Variants in NOX4 observed in about 807,000 individuals in gnomAD.
The protein encoded by NOX4 is NADPH oxidase 4.
A neutral mutation model predicts 87.6 loss-of-function variants in NOX4; 69 were observed. The ratio of observed to expected loss-of-function variants is 0.79; its 90% CI spans 0.65 to 0.96. NOX4 has a LOEUF of 0.96. NOX4 is among the 40% of genes least tolerant of loss of function. The pLI is 0.00. For synonymous variants in NOX4, 275 were observed against 238.2 expected (o/e 1.15, Z -1.42); for missense variants, 680 against 681.5 (o/e 1.00, Z 0.02).
the NOX4 span, among the ~76,000 whole-genome samples, chr11:89,550,404 T>C: frequency 6.6e-6 from 1 of 152,152 alleles, no homozygotes; most frequent in Non-Finnish European, 1.5e-5. Context: ...CAGGTTGGTC[T>C]TGAACTCCTG....
chr11:89,362,708 A>G (rs1938625874), intron 12 of NOX4, among the ~76,000 whole-genome samples: 1 of 152,004 alleles, frequency 6.6e-6, no homozygotes, highest in Admixed American at 6.6e-5. Flanking sequence ...ACATATCTTC[A>G]AGAGTAGTTG....
At chr11:89,458,477 T>G (rs1363122644) in intron 2 of NOX4, among the ~76,000 whole-genome samples, 1 of 152,118 alleles carries the variant, frequency 6.6e-6, no homozygotes, top group Non-Finnish European at 1.5e-5. Flanking sequence ...CTAATTAAAC[T>G]AAGTAGCTTC....
At chr11:89,557,810 T>C in the NOX4 span, among the ~76,000 whole-genome samples, 1 of 152,070 alleles carries the variant, frequency 6.6e-6, no homozygotes, top group African/African-American at 2.4e-5. Flanking sequence ...GGTAAATGAC[T>C]CTCTGTTATC....
chr11:89,432,349 T>C (rs1943844948), intron 7 of NOX4, among the ~76,000 whole-genome samples: 1 of 151,456 alleles, frequency 6.6e-6, no homozygotes, highest in Non-Finnish European at 1.5e-5. Context: ...TAAAGTATAA[T>C]AATAAAAAAA....
the NOX4 span, among the ~76,000 whole-genome samples, chr11:89,534,741 A>G: frequency 6.6e-6 from 1 of 152,224 alleles, no homozygotes; most frequent in Non-Finnish European, 1.5e-5. Context: ...ACTGCCCTGG[A>G]GTCTTGCCTG....
In NOX4 at chr11:89,490,493, C is replaced by T; in HGVS notation, c.118G>A (p.Gly40Arg). Reference sequence around the variant, plus strand: ...TGGTGGAGGTAGTGATACTCTGGCCCTTGGTTATACAGCAAGAAGGTTTTC... The same window carrying T: ...TGGTGGAGGTAGTGATACTCTGGCCTTTGGTTATACAGCAAGAAGGTTTTC... ...FWKTFLLYNQ[G>R]PEYHYLHQML... The change falls in exon 2 of 18, where the codon GGG becomes AGG. Residue 40 changes from glycine to arginine, a missense_variant. Coordinates refer to ENST00000263317, the MANE Select transcript of NOX4 (RefSeq NM_016931.5). The T allele has an allele frequency of 6.2e-7, 1 of 1,613,890 alleles. No individual in the cohort carries two copies. Among genetic ancestry groups the T allele is most frequent in the Non-Finnish European group, 8.5e-7 (1 of 1,179,864 alleles).
At chr11:89,356,782 T>A (rs1443430143) in intron 12 of NOX4, among the ~76,000 whole-genome samples, 1 of 152,150 alleles carries the variant, frequency 6.6e-6, no homozygotes, top group African/African-American at 2.4e-5. Flanking sequence ...ATCTGATACA[T>A]AATTAAGGTG....
chr11:89,357,003 C>A (rs762746884), intron 12 of NOX4, among the ~76,000 whole-genome samples: 4 of 152,100 alleles, frequency 2.6e-5, no homozygotes, highest in African/African-American at 7.2e-5. Flanking sequence ...TGCAGTAAAT[C>A]CTTCACTAAC....
At chr11:89,570,181 G>A in the NOX4 span, among the ~76,000 whole-genome samples, 3 of 152,192 alleles carry the variant, frequency 2.0e-5, no homozygotes, top group African/African-American at 7.2e-5. Flanking sequence ...TCATAAAAAA[G>A]AACGAAGTCA....
At chr11:89,384,542 C>T (rs1267544651) in intron 11 of NOX4, among the ~76,000 whole-genome samples, 1 of 152,118 alleles carries the variant, frequency 6.6e-6, no homozygotes, top group Non-Finnish European at 1.5e-5. Flanking sequence ...TGGTTGGCTA[C>T]TTCTGCCTTT....
At chr11:89,341,183 C>T (rs12808452) in intron 14 of NOX4, among the ~76,000 whole-genome samples, 3 of 137,556 alleles carry the variant, frequency 2.2e-5, no homozygotes, top group African/African-American at 2.8e-5. Context: ...AGTGCAGTGG[C>T]GCCATCTCCC....
intron 5 of NOX4, among the ~76,000 whole-genome samples, chr11:89,441,042 A>G (rs1240487029): frequency 2.0e-5 from 3 of 152,182 alleles, no homozygotes; most frequent in African/African-American, 7.2e-5. Flanking sequence ...GAAACTCAAT[A>G]TCTTAGCCAT....
chr11:89,364,646 A>G (rs1308863644), intron 12 of NOX4, among the ~76,000 whole-genome samples: 1 of 152,110 alleles, frequency 6.6e-6, no homozygotes. Flanking sequence ...ATAGGAAAAC[A>G]AAATAAGCAA....
At chr11:89,455,336 C>A (rs1361133375) in intron 2 of NOX4, among the ~76,000 whole-genome samples, 1 of 151,996 alleles carries the variant, frequency 6.6e-6, no homozygotes, top group Non-Finnish European at 1.5e-5. Context: ...CCAAAGGTAC[C>A]TCATTTCTCC....
At chr11:89,450,872 T>C (rs1482814610) in intron 3 of NOX4, among the ~76,000 whole-genome samples, 1 of 151,682 alleles carries the variant, frequency 6.6e-6, no homozygotes, top group Non-Finnish European at 1.5e-5. Context: ...ATATGTGGAA[T>C]ACTATGCAGC....
intron 2 of NOX4, among the ~76,000 whole-genome samples, chr11:89,463,551 G>A (rs778702082): frequency 2.0e-5 from 3 of 151,886 alleles, no homozygotes; most frequent in African/African-American, 4.8e-5. Flanking sequence ...ATTTGTTCAC[G>A]TGCTTGATAT....
At chr11:89,492,380 T>A (rs1019922810), upstream of NOX4, among the ~76,000 whole-genome samples, 1 of 152,224 alleles carries the variant, frequency 6.6e-6, no homozygotes, top group Non-Finnish European at 1.5e-5. Flanking sequence ...AGTTGCTTAA[T>A]CGAATGGCTT....
At position 89,491,370 on chromosome 11, in the gene NOX4, C is replaced by CT. The variant is rs1946849160; in HGVS notation, c.-125dup. 2.2e-6 allele frequency: 2 copies of CT among 890,894 alleles called. No individual in the cohort carries two copies. Among genetic ancestry groups the CT allele is most frequent in the Non-Finnish European group, 3.3e-6 (2 of 605,132 alleles). The allele number at this position is 890,894 out of a possible 1,614,324, so 55.2% of individuals were successfully genotyped here. A position where few individuals can be genotyped will look rare whatever the true frequency, so the allele number is the denominator to read the frequency against. On this transcript the variant is annotated 5_prime_UTR_variant, in exon 1 of 18. Coordinates refer to ENST00000263317, the MANE Select transcript of NOX4 (RefSeq NM_016931.5). ...CTGAGCGAGGACCGAGGGTCAAAGA[C>CT]TGAGTGGAAGCCCGAAGGCCCGGCG...
intron 11 of NOX4, among the ~76,000 whole-genome samples, chr11:89,383,195 A>G (rs1940426987): frequency 6.6e-6 from 1 of 152,230 alleles, no homozygotes; most frequent in African/African-American, 2.4e-5. Flanking sequence ...AAGAACTTCA[A>G]AACGCCTAAG....
Sources: gnomAD v4.1 joint callset for allele counts (sites outside exome capture counted in the v4.1 genomes callset) on GRCh38, gnomAD v4.1.1 for gene constraint, MANE v1.5 for transcripts, NCBI Gene and HGNC (gene_info 2026-07-23, HGNC 2026-07-21) for gene names.